CDC42BPA: variants seen among roughly 807,000 people sequenced by gnomAD.
CDC42BPA encodes CDC42 binding protein kinase alpha.
Under a neutral mutation model 223.5 loss-of-function variants are expected in CDC42BPA, and 80 were observed. The observed-to-expected ratio is 0.36, with a 90% CI of 0.30 to 0.43. CDC42BPA has a LOEUF of 0.43. Among genes scored for constraint, CDC42BPA ranks in the 20% least tolerant of loss-of-function variants. CDC42BPA has a pLI of 1.00. For synonymous variants in CDC42BPA, 694 were observed against 718.6 expected (o/e 0.97, Z 0.55); for missense variants, 1,743 against 2,099.9 (o/e 0.83, Z 3.32).
intron 1 of CDC42BPA, among the ~76,000 whole-genome samples, chr1:227,265,474 G>A (rs1684830167): frequency 1.3e-5 from 2 of 152,052 alleles, no homozygotes; most frequent in South Asian, 4.2e-4. Context: ...TTGGGAGGGA[G>A]GCCAAGGCGG....
chr1:227,198,989 C>T lies in CDC42BPA; in HGVS notation c.450+568G>A, dbSNP rs556053130. On this transcript the variant is annotated intron_variant, in intron 4 of 36. Coordinates refer to ENST00000366766, the MANE Select transcript of CDC42BPA (RefSeq NM_001394014.1). The stretch of plus-strand genomic sequence containing the variant: ...GGTCTCAATCTCCTAACCTCATGAT[C>T]CTCCCGCCTTGGCCTCCCAAAGTGC... 1.3e-4 allele frequency among the ~76,000 whole-genome samples: 20 copies of T among 152,286 alleles called. No individual in the cohort carries two copies. In the South Asian group the frequency reaches 3.7e-3, roughly 28 times the overall value.
chr1:227,246,346 C>T (rs904470268), intron 2 of CDC42BPA, among the ~76,000 whole-genome samples: 1 of 152,092 alleles, frequency 6.6e-6, no homozygotes, highest in Non-Finnish European at 1.5e-5. Flanking sequence ...CGCAGGCTAC[C>T]AGACAGCATC....
intron 29 of CDC42BPA, among the ~76,000 whole-genome samples, chr1:227,029,671 T>C (rs1668894972): frequency 6.6e-6 from 1 of 152,200 alleles, no homozygotes; most frequent in South Asian, 2.1e-4. Context: ...AATACTGTAT[T>C]TATGAATACC....
chr1:227,112,512 G>C, intron 13 of CDC42BPA, 90 bp from the exon 14 acceptor site: 1 of 1,048,116 alleles, frequency 9.5e-7, no homozygotes, highest in Non-Finnish European at 1.3e-6. Context: ...CCTTGTAACA[G>C]GAAGATAATT....
At position 227,080,995 on chromosome 1, in the gene CDC42BPA, A is replaced by G. The variant is rs1403494792; in HGVS notation, c.2378T>C (p.Leu793Ser). 2 of 1,613,562 alleles carry G rather than the reference A, an allele frequency of 1.2e-6. No homozygotes were observed. The highest frequency in any genetic ancestry group is 1.7e-6 in the Non-Finnish European group (2 of 1,179,684). Reference sequence around the variant, plus strand: ...TTCTAACTGCTGGTTGTGTATACTTAAGTTCTCATACAAAGTAGTAAGCTG... The same window carrying G: ...TTCTAACTGCTGGTTGTGTATACTTGAGTTCTCATACAAAGTAGTAAGCTG... ...LDKLTTLYEN[L>S]SIHNQQLEEE... The change falls in exon 17 of 37, where the codon TTA becomes TCA. Residue 793 changes from leucine (L) to serine (S), a missense_variant. Coordinates refer to ENST00000366766, the MANE Select transcript of CDC42BPA (RefSeq NM_001394014.1).
chr1:227,155,240 G>A (rs925366202), intron 6 of CDC42BPA, among the ~76,000 whole-genome samples: 1 of 152,186 alleles, frequency 6.6e-6, no homozygotes, highest in African/African-American at 2.4e-5. Context: ...CTGAGACTCA[G>A]AATGGTGTCA....
In CDC42BPA at chr1:227,073,790, A is replaced by G. The variant is rs911851610; in HGVS notation, c.2735+74T>C. Reference sequence around the variant, plus strand: ...TCTAAAAGCAAGCAATGGAAACTAAACATGTAACTTCTCTCCAAATAATTA... The same window carrying G: ...TCTAAAAGCAAGCAATGGAAACTAAGCATGTAACTTCTCTCCAAATAATTA... On this transcript the variant is annotated intron_variant, in intron 19 of 36. Coordinates refer to ENST00000366766, the MANE Select transcript of CDC42BPA (RefSeq NM_001394014.1). 3.3e-6 allele frequency: 4 copies of G among 1,214,132 alleles called. No individual in the cohort carries two copies. In the East Asian group the frequency reaches 1.0e-4, roughly 32 times the overall value. The allele number at this position is 1,214,132 out of a possible 1,614,324, so 75.2% of individuals were successfully genotyped here.
intron 1 of CDC42BPA, among the ~76,000 whole-genome samples, chr1:227,311,006 A>G (rs1693443931): frequency 6.6e-6 from 1 of 152,068 alleles, no homozygotes; most frequent in Non-Finnish European, 1.5e-5. Context: ...GTTTTTATAT[A>G]CAACAAAAAA....
intron 35 of CDC42BPA, among the ~76,000 whole-genome samples, chr1:226,999,864 C>A (rs1384048813): frequency 2.0e-5 from 3 of 151,066 alleles, no homozygotes; most frequent in Non-Finnish European, 4.4e-5. Flanking sequence ...AAACCAAACA[C>A]CGCATGTTCT....
chr1:227,243,689 A>G (rs1680389087), intron 2 of CDC42BPA, among the ~76,000 whole-genome samples: 1 of 152,106 alleles, frequency 6.6e-6, no homozygotes, highest in South Asian at 2.1e-4. Flanking sequence ...CTCCATTAAC[A>G]TTAAGAATTT....
intron 2 of CDC42BPA, among the ~76,000 whole-genome samples, chr1:227,245,348 G>T (rs1680752817): frequency 1.4e-5 from 2 of 143,706 alleles, no homozygotes; most frequent in Admixed American, 1.5e-4. Flanking sequence ...GGAGTACAGT[G>T]GTGCCATCTC....
At chr1:227,065,122 A>AAATAAATAAATT (rs1483796188) in intron 21 of CDC42BPA, among the ~76,000 whole-genome samples, 3 of 151,644 alleles carry the variant, frequency 2.0e-5, no homozygotes, top group African/African-American at 7.3e-5. Context: ...ATAAATAAAT[A>AAATAAATAAATT]AATTAACTCA....
chr1:227,146,602 A>G (rs1011471855), intron 7 of CDC42BPA, among the ~76,000 whole-genome samples: 6 of 152,160 alleles, frequency 3.9e-5, no homozygotes, highest in Non-Finnish European at 8.8e-5. Context: ...AAGACTGCTA[A>G]TAAAACCTTT....
chr1:227,193,613 G>A, intron 5 of CDC42BPA, 173 bp downstream of exon 5: 1 of 559,666 alleles, frequency 1.8e-6, no homozygotes, highest in South Asian at 2.9e-5. Context: ...CTGTAATGCT[G>A]ACAAATAATA....
At chr1:227,162,650 GT>G (rs1664128840) in intron 5 of CDC42BPA, among the ~76,000 whole-genome samples, 5 of 152,074 alleles carry the variant, frequency 3.3e-5, no homozygotes, top group South Asian at 4.1e-4. Context: ...GTGCAACACA[GT>G]GAGACCCCTT....
At chr1:227,231,165 G>A (rs1189059982) in intron 2 of CDC42BPA, among the ~76,000 whole-genome samples, 1 of 116,290 alleles carries the variant, frequency 8.6e-6, no homozygotes. Context: ...GCCCCAGTGC[G>A]TGATGTTCCC....
At chr1:227,064,613 G>A (rs1011726273) in intron 21 of CDC42BPA, among the ~76,000 whole-genome samples, 1 of 152,016 alleles carries the variant, frequency 6.6e-6, no homozygotes, top group African/African-American at 2.4e-5. Flanking sequence ...AAAGAGGCTG[G>A]GGCTAACATG....
intron 2 of CDC42BPA, among the ~76,000 whole-genome samples, chr1:227,222,577 G>A (rs535188750): frequency 1.3e-5 from 2 of 152,312 alleles, no homozygotes; most frequent in African/African-American, 2.4e-5. Flanking sequence ...CCGTTCCAGA[G>A]AGGGTCCTGC....
At chr1:227,080,162 T>C (rs1001027005) in intron 17 of CDC42BPA, among the ~76,000 whole-genome samples, 4 of 152,122 alleles carry the variant, frequency 2.6e-5, no homozygotes, top group African/African-American at 9.7e-5. Flanking sequence ...CCTGTATTTG[T>C]TTTGATATAA....
Sources: allele counts gnomAD v4.1 joint callset (sites outside exome capture counted in the v4.1 genomes callset), GRCh38; gene constraint gnomAD v4.1.1; transcripts MANE v1.5; gene names NCBI Gene and HGNC (gene_info 2026-07-23, HGNC 2026-07-21).